GRM8: variants seen among roughly 807,000 people sequenced by gnomAD.
The protein encoded by GRM8 is metabotropic glutamate receptor 8.
GRM8 carries 47 observed loss-of-function variants against 87.2 expected under a neutral mutation model. That is an observed-to-expected ratio of 0.54 (90% CI 0.43 to 0.69). The LOEUF is 0.69. Ranked by LOEUF, GRM8 falls within the 30% of genes least tolerant of loss-of-function variation. GRM8 has a pLI of 0.00. For synonymous variants in GRM8, 396 were observed against 404.5 expected (o/e 0.98, Z 0.25); for missense variants, 1,019 against 1,139.2 (o/e 0.89, Z 1.52).
In GRM8 at chr7:126,754,310, T is replaced by C. The variant is rs75006287; in HGVS notation, c.1357+15555A>G. 7.9e-3 allele frequency among the ~76,000 whole-genome samples: 1,200 copies of C among 152,004 alleles called. 7 individuals carry two copies. Among genetic ancestry groups the C allele is most frequent in the African/African-American group, 0.027 (1,111 of 41,556 alleles). Reference sequence around the variant, plus strand: ...TTTAAAATAGCTCATTACATTAATCTGCAACAGTATCATGCCTAAATTATG... The same window carrying C: ...TTTAAAATAGCTCATTACATTAATCCGCAACAGTATCATGCCTAAATTATG... On this transcript the variant is annotated intron_variant, in intron 7 of 10. Transcript: ENST00000339582.
intron 10 of GRM8, among the ~76,000 whole-genome samples, chr7:126,443,400 A>C (rs1801679882): frequency 6.6e-6 from 1 of 151,684 alleles, no homozygotes. Context: ...GAAACTTTAA[A>C]ATCTTGAACA....
chr7:126,814,626 A>G (rs1046809140), intron 6 of GRM8, among the ~76,000 whole-genome samples: 19 of 152,070 alleles, frequency 1.2e-4, no homozygotes, highest in African/African-American at 4.3e-4. Context: ...TTGTTTTTCA[A>G]TCTTCTTACC....
intron 2 of GRM8, among the ~76,000 whole-genome samples, chr7:127,117,624 G>A (rs1469636545): frequency 1.3e-5 from 2 of 152,202 alleles, no homozygotes; most frequent in Admixed American, 1.3e-4. Flanking sequence ...AAATTACATT[G>A]TGTTATAATA....
At chr7:127,204,224 A>G (rs932426842) in intron 2 of GRM8, among the ~76,000 whole-genome samples, 1 of 152,206 alleles carries the variant, frequency 6.6e-6, no homozygotes, top group Admixed American at 6.5e-5. Context: ...TTTATGAAAC[A>G]CAGCACACGG....
chr7:127,002,353 T>C (rs1292740168), intron 3 of GRM8, among the ~76,000 whole-genome samples: 2 of 151,688 alleles, frequency 1.3e-5, no homozygotes, highest in Non-Finnish European at 3.0e-5. Flanking sequence ...AGTTTAAGGA[T>C]AAGCAGAATA....
At chr7:126,610,157 T>C (rs1226117607) in intron 7 of GRM8, among the ~76,000 whole-genome samples, 2 of 152,192 alleles carry the variant, frequency 1.3e-5, no homozygotes, top group African/African-American at 2.4e-5. Context: ...TGTAGTCTTT[T>C]CTAAACTCCA....
chr7:126,972,688 T>C (rs1810552334), intron 3 of GRM8, among the ~76,000 whole-genome samples: 1 of 152,204 alleles, frequency 6.6e-6, no homozygotes, highest in African/African-American at 2.4e-5. Context: ...ATGCCGTATT[T>C]TGTGCTTTAA....
rs140121024 is a variant in GRM8 at position 126,875,648 on chromosome 7, G to A, written c.1156+26894C>T. ...TAATAAAAGGATCAAAAGAACTATC[G>A]TCTAATTATGTCATACACAATAAAT... is the stretch of plus-strand genomic sequence containing the variant. On this transcript the variant is annotated intron_variant, in intron 6 of 10. Coordinates refer to ENST00000339582, the MANE Select transcript of GRM8 (RefSeq NM_000845.3). Among the ~76,000 whole-genome samples, 293 of 152,168 alleles carry A rather than the reference G, an allele frequency of 1.9e-3. 2 individuals carry two copies. The highest frequency in any genetic ancestry group is 3.0e-3 in the Non-Finnish European group (202 of 67,990).
chr7:126,534,017 GT>G (rs1462714033), intron 8 of GRM8, 130 bp from the exon 9 acceptor site: 3 of 685,052 alleles, frequency 4.4e-6, no homozygotes, highest in Non-Finnish European at 4.8e-6. Context: ...TAAGAGTCTC[GT>G]TTTTTTTCCC....
intron 7 of GRM8, among the ~76,000 whole-genome samples, chr7:126,754,673 A>G (rs1338107023): frequency 1.3e-5 from 2 of 151,878 alleles, no homozygotes; most frequent in Non-Finnish European, 2.9e-5. Flanking sequence ...CTATTTCTAT[A>G]TAAAGAGAGG....
At chr7:126,621,092 T>C (rs1302695692) in intron 7 of GRM8, among the ~76,000 whole-genome samples, 1 of 152,218 alleles carries the variant, frequency 6.6e-6, no homozygotes, top group East Asian at 1.9e-4. Flanking sequence ...CAAAATGCCA[T>C]AGGAAGTAGC....
At chr7:126,898,582 G>C (rs906263626) in intron 6 of GRM8, among the ~76,000 whole-genome samples, 1 of 152,076 alleles carries the variant, frequency 6.6e-6, no homozygotes, top group African/African-American at 2.4e-5. Flanking sequence ...AGTTCTAATT[G>C]GACAAATTGT....
At chr7:127,078,297 C>T (rs1470650167) in intron 3 of GRM8, among the ~76,000 whole-genome samples, 2 of 152,222 alleles carry the variant, frequency 1.3e-5, no homozygotes. Context: ...TTACACACCA[C>T]CGTCCTACCA....
At chr7:126,440,993 T>G (rs1231817828) in intron 10 of GRM8, among the ~76,000 whole-genome samples, 1 of 152,102 alleles carries the variant, frequency 6.6e-6, no homozygotes, top group East Asian at 1.9e-4. Context: ...TTTGCACATA[T>G]GTAAAATGAA....
chr7:126,789,549 A>G (rs1279160300), intron 6 of GRM8, among the ~76,000 whole-genome samples: 3 of 152,156 alleles, frequency 2.0e-5, no homozygotes, highest in African/African-American at 7.2e-5. Flanking sequence ...TATTTTTTTA[A>G]ATGTTAAAAC....
At chr7:126,963,498 CA>C (rs1809524261) in intron 3 of GRM8, among the ~76,000 whole-genome samples, 1 of 152,130 alleles carries the variant, frequency 6.6e-6, no homozygotes, top group Non-Finnish European at 1.5e-5. Context: ...AATCAATGTG[CA>C]AAAGTCACAA....
chr7:126,692,625 TGA>T (rs1808950688), intron 7 of GRM8, among the ~76,000 whole-genome samples: 3 of 152,174 alleles, frequency 2.0e-5, no homozygotes, highest in Admixed American at 2.0e-4. Flanking sequence ...AGCAGTAAAC[TGA>T]GAATATATCA....
chr7:126,467,568 T>C (rs1804648187), intron 9 of GRM8, among the ~76,000 whole-genome samples: 2 of 152,024 alleles, frequency 1.3e-5, no homozygotes, highest in African/African-American at 4.8e-5. Flanking sequence ...GCTTCCACTA[T>C]TTTATTTACT....
chr7:126,660,578 G>C (rs571920391), intron 7 of GRM8, among the ~76,000 whole-genome samples: 1 of 152,218 alleles, frequency 6.6e-6, no homozygotes, highest in South Asian at 2.1e-4. Flanking sequence ...TTGGATACAT[G>C]TCTACACTTT....
Sources: gnomAD v4.1 joint callset for allele counts (sites outside exome capture counted in the v4.1 genomes callset) on GRCh38, gnomAD v4.1.1 for gene constraint, MANE v1.5 for transcripts, NCBI Gene and HGNC (gene_info 2026-07-23, HGNC 2026-07-21) for gene names.